The following ACSF2 variants were observed in gnomAD, a reference collection of about 807,000 sequenced individuals.
ACSF2 encodes the protein medium-chain acyl-CoA ligase ACSF2, mitochondrial.
A neutral mutation model predicts 79.3 loss-of-function variants in ACSF2; 52 were observed. The observed-to-expected ratio is 0.66, with a 90% CI of 0.53 to 0.83. The LOEUF (loss-of-function observed/expected upper bound fraction) is 0.83. Among genes scored for constraint, ACSF2 ranks in the 40% least tolerant of loss-of-function variants. ACSF2 has a pLI of 0.00. For synonymous variants in ACSF2, 283 were observed against 312.6 expected, an observed-to-expected ratio of 0.91 and a Z score of 1.00; for missense variants, 661 against 803.3, an observed-to-expected ratio of 0.82 and a Z score of 2.14.
rs776207214 is a variant in ACSF2 at position 50,474,174 on chromosome 17, T to G, written c.1729-25T>G. The G allele has an allele frequency of 1.9e-6, 3 of 1,614,040 alleles. No individual in the cohort carries two copies. Among genetic ancestry groups the G allele is most frequent in the Non-Finnish European group, 2.5e-6 (3 of 1,179,886 alleles). The stretch of plus-strand genomic sequence containing the variant: ...CTGTGAGCTTGCGCAGCCTCACGCC[T>G]TACCTCCCTCCCTCTGGTCTGCAGA... On this transcript the variant is annotated intron_variant, in intron 14 of 15. Transcript: ENST00000300441. The surrounding 1 kb of genome is among the most constrained non-coding windows in gnomAD (Gnocchi z 4.2).
At chr17:50,439,814 A>G (rs1444204727) in intron 1 of ACSF2, among the ~76,000 whole-genome samples, 1 of 152,188 alleles carries the variant, frequency 6.6e-6, no homozygotes, top group Admixed American at 6.6e-5. Flanking sequence ...GCTAAAAAAA[A>G]GAGTTTGCCG....
At chr17:50,441,464 C>CCCG (rs1234648449) in intron 1 of ACSF2, among the ~76,000 whole-genome samples, 5 of 152,234 alleles carry the variant, frequency 3.3e-5, no homozygotes, top group African/African-American at 1.2e-4. Flanking sequence ...CGTGAGCCAC[C>CCCG]ATGCCTGGCC....
chr17:50,453,952 A>G (rs1164442732), intron 1 of ACSF2, among the ~76,000 whole-genome samples: 1 of 151,712 alleles, frequency 6.6e-6, no homozygotes, highest in Non-Finnish European at 1.5e-5. Flanking sequence ...GCTAATTTAA[A>G]AAAAAAAAAA....
chr17:50,427,085 T>C, intron 1 of ACSF2: 2 of 1,216,964 alleles, frequency 1.6e-6, no homozygotes, highest in Non-Finnish European at 2.3e-6. Flanking sequence ...ACTCATGTTA[T>C]CAGGGCTGTT....
chr17:50,458,957 G>C (rs775801691), intron 1 of ACSF2, among the ~76,000 whole-genome samples: 9 of 152,174 alleles, frequency 5.9e-5, no homozygotes, highest in Non-Finnish European at 1.2e-4. Flanking sequence ...CCAGAGACAG[G>C]GAGCTTCTTA....
At chr17:50,442,961 G>A (rs938049482) in intron 1 of ACSF2, among the ~76,000 whole-genome samples, 4 of 151,010 alleles carry the variant, frequency 2.6e-5, no homozygotes, top group African/African-American at 7.3e-5. Context: ...CCAGACTGGA[G>A]TGCAGTGGCG....
intron 1 of ACSF2, among the ~76,000 whole-genome samples, chr17:50,434,319 A>AAATAAT (rs751339339): frequency 6.6e-6 from 1 of 151,680 alleles, no homozygotes; most frequent in African/African-American, 2.4e-5. Context: ...AGCATGTCTC[A>AAATAAT]AATAATAATA....
At chr17:50,435,645 C>T (rs2030340671) in intron 1 of ACSF2, among the ~76,000 whole-genome samples, 1 of 152,124 alleles carries the variant, frequency 6.6e-6, no homozygotes, top group African/African-American at 2.4e-5. Flanking sequence ...CTCCTGTGCT[C>T]AAGTGATTTT....
intron 10 of ACSF2, chr17:50,465,158 A>G: frequency 1.0e-6 from 1 of 986,064 alleles, no homozygotes; most frequent in South Asian, 1.6e-5. Flanking sequence ...CAGGGGACCC[A>G]GTCGTCCCCT....
chr17:50,464,230 G>T lies in ACSF2; in HGVS notation c.1151G>T (p.Gly384Val). The change falls in exon 10 of 16, where the codon GGG becomes GTG. Residue 384 changes from glycine to valine, a missense_variant. By Grantham distance (109) the Gly-to-Val change is moderately radical (BLOSUM62 -3). Transcript: ENST00000300441. ...ISTMCGGVIA[G>V]SPAPPELIRA... ...CTCTCTGATTCAGGTGTCATTGCTG[G>T]GTCCCCTGCACCTCCAGAGTTGATC... 1 of 1,614,116 alleles carries T rather than the reference G, an allele frequency of 6.2e-7. No homozygotes were observed. Among genetic ancestry groups the T allele is most frequent in the Non-Finnish European group, 8.5e-7 (1 of 1,180,012 alleles).
At chr17:50,440,128 A>G (rs749857550) in intron 1 of ACSF2, among the ~76,000 whole-genome samples, 2 of 151,778 alleles carry the variant, frequency 1.3e-5, no homozygotes, top group Non-Finnish European at 3.0e-5. Flanking sequence ...CCAGCCTCCC[A>G]TGGGGGGTAA....
At position 50,462,526 on chromosome 17, in the gene ACSF2, C is replaced by A. The variant is rs763371922; in HGVS notation, c.733C>A (p.Leu245Ile). The change falls in exon 6 of 16, where the codon CTC becomes ATC. Residue 245 changes from leucine to isoleucine, a missense_variant. By Grantham distance (5) the Leu-to-Ile change is conservative. Coordinates refer to ENST00000300441, the MANE Select transcript of ACSF2 (RefSeq NM_025149.6). ...AGSTRQHLDQ[L>I]QYNQQFLSCH... ...CAGCACACGGCAGCATCTGGACCAG[C>A]TCCAATACAACCAGCAGTTCCTGTC... The A allele has an allele frequency of 1.9e-6, 3 of 1,614,000 alleles. No individual in the cohort carries two copies. Among genetic ancestry groups the A allele is most frequent in the East Asian group, 4.5e-5 (2 of 44,874 alleles).
At chr17:50,454,776 G>A (rs1199835618) in intron 1 of ACSF2, among the ~76,000 whole-genome samples, 1 of 152,098 alleles carries the variant, frequency 6.6e-6, no homozygotes, top group African/African-American at 2.4e-5. Context: ...GACCTATTGG[G>A]GTTTCTGTCA....
intron 1 of ACSF2, 127 bp downstream of exon 1, chr17:50,426,516 C>G: frequency 8.8e-7 from 1 of 1,139,672 alleles, no homozygotes; most frequent in Non-Finnish European, 1.1e-6. Context: ...CCGCCCCTCC[C>G]CCGCCCCCCG....
At chr17:50,472,108 C>T in intron 11 of ACSF2, 1 of 328,152 alleles carries the variant, frequency 3.0e-6, no homozygotes, top group Middle Eastern at 8.6e-4. Flanking sequence ...TTCTCCTCTG[C>T]ACGGTTTATA....
intron 10 of ACSF2, chr17:50,468,822 C>A (rs772420144): frequency 5.3e-6 from 8 of 1,508,636 alleles, no homozygotes; most frequent in Non-Finnish European, 7.1e-6. Context: ...ATGGCTGGGA[C>A]GCCTGGGGCC....
chr17:50,426,632 C>A (rs571245529), intron 1 of ACSF2, among the ~76,000 whole-genome samples: 2 of 152,184 alleles, frequency 1.3e-5, no homozygotes, highest in Non-Finnish European at 2.9e-5. Context: ...CCAAGACTCT[C>A]GATTCCTTCT....
intron 1 of ACSF2, among the ~76,000 whole-genome samples, chr17:50,428,172 G>C (rs1399276705): frequency 6.6e-6 from 1 of 152,164 alleles, no homozygotes; most frequent in Non-Finnish European, 1.5e-5. Context: ...CTGAGCAGCA[G>C]AGCAAAACCT....
At chr17:50,472,330 G>A in intron 11 of ACSF2, 98 bp from the exon 12 acceptor site, 1 of 1,424,880 alleles carries the variant, frequency 7.0e-7, no homozygotes, top group Non-Finnish European at 9.4e-7. Context: ...CAGTTGGGTT[G>A]GGGGGTTGGG....
Sources: gnomAD v4.1 joint callset for allele counts (sites outside exome capture counted in the v4.1 genomes callset) on GRCh38, gnomAD v4.1.1 for gene constraint, Gnocchi (gnomAD v3.1) non-coding constraint, MANE v1.5 for transcripts, NCBI Gene and HGNC (gene_info 2026-07-23, HGNC 2026-07-21) for gene names.